Variants in ATP8A2 observed in about 807,000 individuals in gnomAD.
ATP8A2 encodes the protein phospholipid-transporting ATPase IB.
Under a neutral mutation model 165.6 loss-of-function variants are expected in ATP8A2, and 100 were observed. The ratio of observed to expected loss-of-function variants is 0.60; its 90% CI spans 0.51 to 0.71. The LOEUF (loss-of-function observed/expected upper bound fraction) is 0.71, where lower values mean the gene tolerates loss of function less well. Among genes scored for constraint, ATP8A2 ranks in the 30% least tolerant of loss-of-function variants. ATP8A2 has a pLI of 0.00. For missense variants in ATP8A2, 1,227 were observed against 1,479.5 expected, an observed-to-expected ratio of 0.83 and a Z score of 2.80; for synonymous variants, 543 against 548.8, an observed-to-expected ratio of 0.99 and a Z score of 0.15.
chr13:25,783,237 TG>T (rs1161137985), intron 27 of ATP8A2, among the ~76,000 whole-genome samples: 1 of 152,210 alleles, frequency 6.6e-6, no homozygotes, highest in African/African-American at 2.4e-5. Context: ...CAAGAGCATC[TG>T]GGCTTACAGT....
At chr13:25,636,479 G>C (rs1468173288) in intron 24 of ATP8A2, among the ~76,000 whole-genome samples, 7 of 152,134 alleles carry the variant, frequency 4.6e-5, no homozygotes, top group Non-Finnish European at 8.8e-5. Context: ...GTAAATTCTT[G>C]CTTTAGGAAT....
intron 27 of ATP8A2, among the ~76,000 whole-genome samples, chr13:25,820,416 T>C (rs1951148329): frequency 6.6e-6 from 1 of 152,216 alleles, no homozygotes; most frequent in Non-Finnish European, 1.5e-5. Context: ...GGGCTTTGAC[T>C]GTATTCATTT....
chr13:25,663,079 A>C (rs1043603862), intron 24 of ATP8A2, among the ~76,000 whole-genome samples: 2 of 152,226 alleles, frequency 1.3e-5, no homozygotes, highest in African/African-American at 4.8e-5. Context: ...TGCAGTGTAG[A>C]GGCTCTGCTT....
intron 25 of ATP8A2, among the ~76,000 whole-genome samples, chr13:25,761,800 C>G (rs1221854527): frequency 6.6e-6 from 1 of 151,732 alleles, no homozygotes; most frequent in Non-Finnish European, 1.5e-5. Flanking sequence ...ATTTATTAAG[C>G]CTTCAAAGTG....
chr13:25,675,549 GA>G (rs2042354805), intron 24 of ATP8A2, among the ~76,000 whole-genome samples: 1 of 152,164 alleles, frequency 6.6e-6, no homozygotes, highest in Non-Finnish European at 1.5e-5. Flanking sequence ...AATATTTTGG[GA>G]AATGGGATAA....
chr13:25,587,151 C>T (rs948259960), intron 23 of ATP8A2, among the ~76,000 whole-genome samples: 4 of 152,212 alleles, frequency 2.6e-5, no homozygotes, highest in African/African-American at 9.6e-5. Context: ...GAGTTGATCT[C>T]ATTTTATCCA....
intron 27 of ATP8A2, among the ~76,000 whole-genome samples, chr13:25,810,381 T>G (rs748566560): frequency 1.3e-5 from 2 of 152,182 alleles, no homozygotes; most frequent in Non-Finnish European, 2.9e-5. Context: ...GGAACCCTCC[T>G]TCAGGTCCTT....
intron 33 of ATP8A2, among the ~76,000 whole-genome samples, chr13:25,937,480 C>G (rs771954242): frequency 6.7e-6 from 1 of 150,194 alleles, no homozygotes; most frequent in Non-Finnish European, 1.5e-5. Flanking sequence ...CTTCCATTCT[C>G]CACAATTAAT....
intron 24 of ATP8A2, among the ~76,000 whole-genome samples, chr13:25,668,672 G>T (rs1340558255): frequency 6.6e-6 from 1 of 152,020 alleles, no homozygotes. Flanking sequence ...GTGTTGGTAT[G>T]CTTGATAGTA....
chr13:25,784,538 G>A (rs2044973382), intron 27 of ATP8A2, among the ~76,000 whole-genome samples: 1 of 152,162 alleles, frequency 6.6e-6, no homozygotes, highest in African/African-American at 2.4e-5. Flanking sequence ...TTCCCTAAGG[G>A]CAAATAATCC....
chr13:25,716,913 CTGAATATATAAAGCA>C (rs769809425), intron 25 of ATP8A2, among the ~76,000 whole-genome samples: 2 of 152,144 alleles, frequency 1.3e-5, no homozygotes, highest in Non-Finnish European at 2.9e-5. Flanking sequence ...TATAGGACTA[CTGAATATATAAAGCA>C]TGAATTGCTT....
intron 24 of ATP8A2, among the ~76,000 whole-genome samples, chr13:25,681,053 AT>A (rs569806777): frequency 9.7e-4 from 148 of 152,328 alleles, no homozygotes; most frequent in African/African-American, 3.3e-3. Flanking sequence ...GAAGTGACTA[AT>A]TCCTTTTGCA....
chr13:25,442,904 TG>T (rs2034971440), intron 1 of ATP8A2, among the ~76,000 whole-genome samples: 1 of 152,226 alleles, frequency 6.6e-6, no homozygotes, highest in Non-Finnish European at 1.5e-5. Flanking sequence ...TTGTTGTTGT[TG>T]TTGATACTTT....
Position 25,579,963 on chromosome 13 carries a change from A to T in ATP8A2, c.2007+16A>T. 6.2e-7 allele frequency: 1 copy of T among 1,613,310 alleles called. No individual in the cohort carries two copies. The highest frequency in any genetic ancestry group is 8.5e-7 in the Non-Finnish European group (1 of 1,179,494). On this transcript the variant is annotated intron_variant, in intron 22 of 36. Transcript: ENST00000381655. ...CATTGAGAAGGTAACCGCACACAATACAGTCTTTTCAGCTCCATGAAGGAC... is the reference window on the plus strand; with the variant it reads ...CATTGAGAAGGTAACCGCACACAATTCAGTCTTTTCAGCTCCATGAAGGAC...
rs778382131 is a variant in ATP8A2 at position 25,769,041 on chromosome 13, CA to C, written c.2385-4del. On this transcript the variant is annotated splice_region_variant and splice_polypyrimidine_tract_variant and intron_variant, in intron 25 of 36. Transcript: ENST00000381655. ...TAGCTCTGATTTCCCTCTCTTTTCT[CA>C]CAGAGTGTCTCCTCTGCAGAAGTCT... is the stretch of plus-strand genomic sequence containing the variant. 4.6e-5 allele frequency: 75 copies of C among 1,613,658 alleles called. 1 individual carries two copies. In the South Asian group the frequency reaches 8.0e-4, roughly 17 times the overall value.
At chr13:25,450,764 C>A (rs1417521411) in intron 1 of ATP8A2, among the ~76,000 whole-genome samples, 1 of 152,002 alleles carries the variant, frequency 6.6e-6, no homozygotes, top group Non-Finnish European at 1.5e-5. Flanking sequence ...ATCTCCTGAC[C>A]TCGTAATCTG....
chr13:25,757,534 C>T, intron 25 of ATP8A2, among the ~76,000 whole-genome samples: 1 of 151,878 alleles, frequency 6.6e-6, no homozygotes, highest in East Asian at 1.9e-4. Flanking sequence ...TGCACACGCA[C>T]TTAGAAGAGA....
Position 25,774,788 on chromosome 13 carries a change from G to A in ATP8A2, c.2569-61G>A. The A allele has an allele frequency of 3.1e-6, 3 of 966,732 alleles. No homozygotes were observed. In the Admixed American group the frequency reaches 5.7e-5, roughly 18 times the overall value. The allele number at this position is 966,732 out of a possible 1,614,324, so 59.9% of individuals were successfully genotyped here. On this transcript the variant is annotated intron_variant, in intron 26 of 36. Transcript: ENST00000381655. ...TGACTTCTGTTCATAAGGACATTCT[G>A]TTTGTGACTTTTATTCCTCAATGAT...
In ATP8A2 at chr13:25,480,080, G is replaced by A. The variant is rs867086978; in HGVS notation, c.221+10959G>A. 9.3e-3 allele frequency among the ~76,000 whole-genome samples: 1,396 copies of A among 150,460 alleles called. 31 individuals are homozygous for A. The highest frequency in any genetic ancestry group is 0.033 in the African/African-American group (1,304 of 40,102). Reference sequence around the variant, plus strand: ...CCAGTAGGGGCGGCTGGGCAGAGGCGCCCCTCACCTCCCGGACGGGGCGGC... The same window carrying A: ...CCAGTAGGGGCGGCTGGGCAGAGGCACCCCTCACCTCCCGGACGGGGCGGC... On this transcript the variant is annotated intron_variant, in intron 2 of 36. Transcript: ENST00000381655.
Sources: gnomAD v4.1 joint callset for allele counts (sites outside exome capture counted in the v4.1 genomes callset) on GRCh38, gnomAD v4.1.1 for gene constraint, MANE v1.5 for transcripts, NCBI Gene and HGNC (gene_info 2026-07-23, HGNC 2026-07-21) for gene names.